POLN: variants seen among roughly 807,000 people sequenced by gnomAD.
The protein encoded by POLN is DNA polymerase nu.
Under a neutral mutation model 113.5 loss-of-function variants are expected in POLN, and 108 were observed. The ratio of observed to expected loss-of-function variants is 0.95; its 90% CI spans 0.81 to 1.12. The LOEUF (loss-of-function observed/expected upper bound fraction) is 1.12, where lower values mean the gene tolerates loss of function less well. Among genes scored for constraint, POLN ranks in the 50% most tolerant of loss-of-function variants. The pLI is 0.00. For missense variants in POLN, 1,097 were observed against 1,077.1 expected (o/e 1.02, Z -0.26); for synonymous variants, 386 against 391.5 (o/e 0.99, Z 0.17).
chr4:2,173,851 AG>A (rs1732927532), intron 11 of POLN, 103 bp downstream of exon 11: 5 of 1,111,228 alleles, frequency 4.5e-6, no homozygotes, highest in Non-Finnish European at 6.8e-6. Context: ...ACACCAAACA[AG>A]GAAGAGAAGA....
chr4:2,156,773 G>C lies in POLN; in HGVS notation c.1731+15C>G, dbSNP rs768588057. On this transcript the variant is annotated intron_variant, in intron 16 of 25. Coordinates refer to ENST00000511885, the MANE Select transcript of POLN (RefSeq NM_181808.4). ...AAAATGGCGTTTAACAAAGACAGTT[G>C]TTTAAACAACTTACAGGATGCTTGG... 25 of 1,603,606 alleles carry C rather than the reference G, an allele frequency of 1.6e-5. No individual in the cohort carries two copies. The highest frequency in any genetic ancestry group is 2.1e-5 in the Non-Finnish European group (25 of 1,170,436).
chr4:2,089,844 C>A, intron 20 of POLN: 1 of 895,498 alleles, frequency 1.1e-6, no homozygotes, highest in East Asian at 2.6e-5. Flanking sequence ...CATCTAGGTT[C>A]TTTGAAAGCA....
Position 2,071,961 on chromosome 4 carries a change from A to C in POLN, c.*153T>G. 1.2e-6 allele frequency: 1 copy of C among 851,956 alleles called. No individual in the cohort carries two copies. Among genetic ancestry groups the C allele is most frequent in the Admixed American group, 1.9e-5 (1 of 52,564 alleles). The allele number at this position is 851,956 out of a possible 1,614,324, so 52.8% of individuals were successfully genotyped here. ...AGAATTCACTCAGACAAGGATGAGG[A>C]GGGCTTTGCACAGGCATTTACTCCA... On this transcript the variant is annotated 3_prime_UTR_variant, in exon 26 of 26. Transcript: ENST00000511885. The surrounding 1 kb of genome is among the most constrained non-coding windows in gnomAD (Gnocchi z 5.2).
chr4:2,151,093 T>C (rs1732284715), intron 16 of POLN, among the ~76,000 whole-genome samples: 1 of 152,208 alleles, frequency 6.6e-6, no homozygotes, highest in Non-Finnish European at 1.5e-5. Flanking sequence ...GTATCTAGAA[T>C]ATATACAGAA....
At chr4:2,086,384 AGT>A (rs1730551295) in intron 20 of POLN, among the ~76,000 whole-genome samples, 7 of 152,336 alleles carry the variant, frequency 4.6e-5, no homozygotes, top group South Asian at 2.1e-4. Context: ...GAGCAGGTTC[AGT>A]GACCACAGAA....
At chr4:2,105,226 A>G (rs1019157796) in intron 19 of POLN, among the ~76,000 whole-genome samples, 1 of 151,792 alleles carries the variant, frequency 6.6e-6, no homozygotes, top group Non-Finnish European at 1.5e-5. Context: ...CCATCTCCAA[A>G]CCTCATCACT....
At chr4:2,175,066 T>G (rs1347973779) in intron 9 of POLN, among the ~76,000 whole-genome samples, 1 of 152,120 alleles carries the variant, frequency 6.6e-6, no homozygotes, top group Non-Finnish European at 1.5e-5. Flanking sequence ...TCAAGTGATC[T>G]GCCCACCTTG....
At chr4:2,240,553 G>A in intron 2 of POLN, 1 of 1,613,520 alleles carries the variant, frequency 6.2e-7, no homozygotes, top group Non-Finnish European at 8.5e-7. Flanking sequence ...AGAGATTTGT[G>A]GCTAGTTACT....
At position 2,126,060 on chromosome 4, in the gene POLN, C is replaced by T. The variant is rs926786376; in HGVS notation, c.1982+2053G>A. 1.3e-5 allele frequency among the ~76,000 whole-genome samples: 2 copies of T among 152,164 alleles called. No homozygotes were observed. The highest frequency in any genetic ancestry group is 4.8e-5 in the African/African-American group (2 of 41,420). On this transcript the variant is annotated intron_variant, in intron 19 of 25. Transcript: ENST00000511885. The surrounding 1 kb of genome is among the most constrained non-coding windows in gnomAD (Gnocchi z 4.6). Reference sequence around the variant, plus strand: ...GAACGACAAGAGGATGCCCTGCATACTGGGTGGGAGGCAGGACTCCAGTGC... The same window carrying T: ...GAACGACAAGAGGATGCCCTGCATATTGGGTGGGAGGCAGGACTCCAGTGC...
chr4:2,207,390 A>T (rs1388139620), intron 5 of POLN, among the ~76,000 whole-genome samples: 3 of 152,172 alleles, frequency 2.0e-5, no homozygotes, highest in Non-Finnish European at 4.4e-5. Context: ...AAAGGTTTTT[A>T]AAAAAATCAA....
At chr4:2,080,278 C>G (rs1389135542) in intron 23 of POLN, 4 of 987,920 alleles carry the variant, frequency 4.0e-6, no homozygotes, top group Non-Finnish European at 4.8e-6. Flanking sequence ...CCTGGCCACC[C>G]ACACTCTTGA....
At chr4:2,154,120 C>A (rs1332446044) in intron 16 of POLN, among the ~76,000 whole-genome samples, 1 of 139,320 alleles carries the variant, frequency 7.2e-6, no homozygotes, top group Non-Finnish European at 1.5e-5. Flanking sequence ...ATGGCATGAA[C>A]CAGTGAGGCA....
intron 7 of POLN, among the ~76,000 whole-genome samples, chr4:2,183,322 A>G (rs2108752649): frequency 6.6e-6 from 1 of 152,314 alleles, no homozygotes; most frequent in East Asian, 1.9e-4. Context: ...AGCAAGTTGA[A>G]AATATGTCCA....
chr4:2,185,049 TGTAA>T (rs1257684496), intron 7 of POLN, among the ~76,000 whole-genome samples: 8 of 152,356 alleles, frequency 5.3e-5, no homozygotes, highest in African/African-American at 1.9e-4. Context: ...TTTCTCTTTA[TGTAA>T]GTGTTATAGC....
Position 2,196,988 on chromosome 4 carries a change from G to A in POLN, c.908+1536C>T, listed in dbSNP as rs578121312. On this transcript the variant is annotated intron_variant, in intron 6 of 25. Transcript: ENST00000511885. The stretch of plus-strand genomic sequence containing the variant: ...GGAGGTGGGAATGCACTGAGAGGCC[G>A]GGAGAGAGGAGGAGGTGAGGTTGAA... Among the ~76,000 whole-genome samples the A allele has an allele frequency of 3.3e-5, 5 of 152,320 alleles. No individual in the cohort carries two copies. The South Asian group carries it at 6.2e-4, about 19-fold the overall frequency.
chr4:2,240,216 T>C (rs1734923719), intron 2 of POLN: 11 of 1,613,738 alleles, frequency 6.8e-6, no homozygotes, highest in Admixed American at 1.7e-5. Flanking sequence ...AGATGGTGTC[T>C]GTATATCTAA....
intron 19 of POLN, among the ~76,000 whole-genome samples, chr4:2,117,373 C>A (rs1349062111): frequency 2.0e-5 from 3 of 152,164 alleles, no homozygotes; most frequent in African/African-American, 7.2e-5. Flanking sequence ...TTTTTGATTA[C>A]AAATATTTGC....
intron 2 of POLN, among the ~76,000 whole-genome samples, chr4:2,232,675 AT>A (rs1734625344): frequency 6.4e-5 from 9 of 140,770 alleles, no homozygotes; most frequent in African/African-American, 2.9e-4. Context: ...AGAATTACAC[AT>A]GACATTCCAC....
Position 2,127,395 on chromosome 4 carries a change from C to G in POLN, c.1982+718G>C, listed in dbSNP as rs1731610678. On this transcript the variant is annotated intron_variant, in intron 19 of 25. Coordinates refer to ENST00000511885, the MANE Select transcript of POLN (RefSeq NM_181808.4). The surrounding 1 kb of genome is among the most constrained non-coding windows in gnomAD (Gnocchi z 4.7). ...TTTTTCTGGAGTATAATCTCTCCACCTCCCTTGCAGCTGGTGCAGCTGCAT... is the reference window on the plus strand; with the variant it reads ...TTTTTCTGGAGTATAATCTCTCCACGTCCCTTGCAGCTGGTGCAGCTGCAT... Among the ~76,000 whole-genome samples the G allele has an allele frequency of 6.6e-6, 1 of 152,182 alleles. No individual in the cohort carries two copies. Among genetic ancestry groups the G allele is most frequent in the Non-Finnish European group, 1.5e-5 (1 of 68,028 alleles).
Sources: allele counts gnomAD v4.1 joint callset (sites outside exome capture counted in the v4.1 genomes callset), GRCh38; gene constraint gnomAD v4.1.1; non-coding constraint Gnocchi (gnomAD v3.1); transcripts MANE v1.5; gene names NCBI Gene and HGNC (gene_info 2026-07-23, HGNC 2026-07-21).